Variants in UBR3 observed in about 807,000 individuals in gnomAD.
The protein encoded by UBR3 is E3 ubiquitin-protein ligase UBR3.
Under a neutral mutation model 243.2 loss-of-function variants are expected in UBR3, and 85 were observed. The observed-to-expected ratio is 0.35, with a 90% CI of 0.29 to 0.42. The LOEUF is 0.42. UBR3 is among the 10% of genes least tolerant of loss of function. The probability of loss-of-function intolerance (pLI) is 1.00; values close to 1 mark genes in which losing one functional copy is unlikely to be tolerated. For missense variants in UBR3, 1,686 were observed against 2,300.8 expected, an observed-to-expected ratio of 0.73 and a Z score of 5.47; for synonymous variants, 748 against 799.8, an observed-to-expected ratio of 0.94 and a Z score of 1.09.
chr2:169,871,742 T>TGAAAAAAAAAAAAA, intron 1 of UBR3, among the ~76,000 whole-genome samples: 1 of 44,504 alleles, frequency 2.2e-5, no homozygotes, highest in Non-Finnish European at 9.1e-5. Context: ...ACCAAGACTC[T>TGAAAAAAAAAAAAA]CAAAAAAAAA....
chr2:170,057,852 A>AC (rs2105444510), intron 33 of UBR3, among the ~76,000 whole-genome samples: 1 of 152,302 alleles, frequency 6.6e-6, no homozygotes, highest in Admixed American at 6.5e-5. Context: ...TTAGTGAAAG[A>AC]AAATTAAAAA....
At chr2:169,844,341 CTTTTT>C (rs901296217) in intron 1 of UBR3, among the ~76,000 whole-genome samples, 1 of 151,984 alleles carries the variant, frequency 6.6e-6, no homozygotes, top group African/African-American at 2.4e-5. Flanking sequence ...TTATTCAGTA[CTTTTT>C]TTTCTTTATG....
chr2:169,960,427 A>G (rs561316663), intron 24 of UBR3, among the ~76,000 whole-genome samples: 3 of 151,794 alleles, frequency 2.0e-5, no homozygotes, highest in African/African-American at 7.3e-5. Flanking sequence ...AGCGTTTCAG[A>G]TAAGGGATAC....
intron 5 of UBR3, among the ~76,000 whole-genome samples, chr2:169,885,424 A>G (rs780044887): frequency 6.6e-6 from 1 of 152,118 alleles, no homozygotes; most frequent in African/African-American, 2.4e-5. Flanking sequence ...TCTACTAAAA[A>G]TACAAAATTA....
At chr2:169,916,650 C>A (rs2085475326) in intron 11 of UBR3, among the ~76,000 whole-genome samples, 1 of 152,096 alleles carries the variant, frequency 6.6e-6, no homozygotes, top group African/African-American at 2.4e-5. Flanking sequence ...AATCTCCTTA[C>A]CCAGCTTGGA....
intron 26 of UBR3, among the ~76,000 whole-genome samples, chr2:169,994,944 A>G (rs560433253): frequency 5.3e-5 from 8 of 152,094 alleles, no homozygotes; most frequent in African/African-American, 1.9e-4. Context: ...TGTGGATGTG[A>G]GTGTGTCCTG....
Position 169,827,492 on chromosome 2 carries a change from A to G in UBR3, c.-16A>G. On this transcript the variant is annotated 5_prime_UTR_variant, in exon 1 of 39. Coordinates refer to ENST00000272793, the MANE Select transcript of UBR3 (RefSeq NM_172070.4). Reference sequence around the variant, plus strand: ...GAGCCGCTGGCCCTGGACTCTCCAAATTCTGAGCTCTCATCATGGCGGCGG... The same window carrying G: ...GAGCCGCTGGCCCTGGACTCTCCAAGTTCTGAGCTCTCATCATGGCGGCGG... 4 of 1,226,352 alleles carry G rather than the reference A, an allele frequency of 3.3e-6. No homozygotes were observed. The highest frequency in any genetic ancestry group is 4.2e-5 in the South Asian group (1 of 24,064). 76.0% of individuals were successfully genotyped at this position (1,226,352 alleles called of 1,614,324 possible). A position where few individuals can be genotyped will look rare whatever the true frequency, so the allele number is the denominator to read the frequency against.
chr2:170,036,271 A>G (rs1389160620), intron 31 of UBR3, among the ~76,000 whole-genome samples: 1 of 152,064 alleles, frequency 6.6e-6, no homozygotes, highest in Non-Finnish European at 1.5e-5. Flanking sequence ...ACAATTATGT[A>G]TTTTAAAATA....
intron 5 of UBR3, among the ~76,000 whole-genome samples, chr2:169,879,400 T>C (rs915560652): frequency 6.6e-6 from 1 of 152,156 alleles, no homozygotes; most frequent in Admixed American, 6.6e-5. Flanking sequence ...TTAAATTTTA[T>C]AGTTTTTCCC....
intron 19 of UBR3, among the ~76,000 whole-genome samples, chr2:169,938,098 C>A (rs908933793): frequency 6.6e-6 from 1 of 152,128 alleles, no homozygotes; most frequent in South Asian, 2.1e-4. Context: ...AGTTTTCATC[C>A]GATCCTCCTT....
intron 32 of UBR3, among the ~76,000 whole-genome samples, chr2:170,047,869 C>T (rs900521103): frequency 5.9e-5 from 9 of 152,194 alleles, no homozygotes; most frequent in African/African-American, 1.4e-4. Context: ...GCTACCCACC[C>T]ATTAGTCATT....
At chr2:169,952,479 A>G (rs1278610850) in intron 23 of UBR3, among the ~76,000 whole-genome samples, 1 of 151,806 alleles carries the variant, frequency 6.6e-6, no homozygotes, top group Non-Finnish European at 1.5e-5. Flanking sequence ...AGTGGATCAC[A>G]AGGTCAGGAG....
chr2:169,887,114 T>A (rs1239107424), intron 5 of UBR3, among the ~76,000 whole-genome samples: 1 of 152,188 alleles, frequency 6.6e-6, no homozygotes, highest in Non-Finnish European at 1.5e-5. Flanking sequence ...ATCTGTAGAT[T>A]TTGCAGATTG....
intron 7 of UBR3, among the ~76,000 whole-genome samples, chr2:169,895,773 C>G (rs891721460): frequency 6.6e-6 from 1 of 152,136 alleles, no homozygotes; most frequent in Non-Finnish European, 1.5e-5. Context: ...GACTCATATA[C>G]AAATGTTGGC....
chr2:170,000,202 G>A (rs929621936), intron 26 of UBR3, among the ~76,000 whole-genome samples: 1 of 151,868 alleles, frequency 6.6e-6, no homozygotes, highest in African/African-American at 2.4e-5. Flanking sequence ...TATATAGTCT[G>A]GGTCCCTTCT....
intron 19 of UBR3, among the ~76,000 whole-genome samples, chr2:169,938,642 T>A (rs941169168): frequency 7.9e-5 from 12 of 152,214 alleles, no homozygotes; most frequent in Admixed American, 5.2e-4. Flanking sequence ...GTTTTAAATT[T>A]TGATGAATTC....
At chr2:170,049,343 A>G (rs1196182181) in intron 32 of UBR3, among the ~76,000 whole-genome samples, 1 of 152,224 alleles carries the variant, frequency 6.6e-6, no homozygotes, top group African/African-American at 2.4e-5. Flanking sequence ...CATCCTTGTC[A>G]TCTTCATGTT....
intron 25 of UBR3, among the ~76,000 whole-genome samples, chr2:169,993,931 A>T (rs2089388513): frequency 6.6e-6 from 1 of 152,090 alleles, no homozygotes; most frequent in South Asian, 2.1e-4. Flanking sequence ...CTCACCTTGC[A>T]CTTTTCCCCA....
chr2:169,992,247 A>T (rs1212812366), intron 25 of UBR3, among the ~76,000 whole-genome samples: 1 of 152,202 alleles, frequency 6.6e-6, no homozygotes, highest in Non-Finnish European at 1.5e-5. Context: ...AATAACAAAA[A>T]GATTGATTCA....
Sources: gnomAD v4.1 joint callset for allele counts (sites outside exome capture counted in the v4.1 genomes callset) on GRCh38, gnomAD v4.1.1 for gene constraint, MANE v1.5 for transcripts, NCBI Gene and HGNC (gene_info 2026-07-23, HGNC 2026-07-21) for gene names.